The following SLC35E1 variants were observed in gnomAD, a reference collection of about 807,000 sequenced individuals.
SLC35E1 encodes the protein solute carrier family 35 member E1.
In SLC35E1, 12 loss-of-function variants were observed where a neutral mutation model predicts 31.0. The ratio of observed to expected loss-of-function variants is 0.39; its 90% CI spans 0.25 to 0.63. SLC35E1 has a LOEUF of 0.63. SLC35E1 is among the 20% of genes least tolerant of loss of function. SLC35E1 has a pLI of 0.52. For missense variants in SLC35E1, 429 were observed against 572.2 expected (o/e 0.75, Z 2.55); for synonymous variants, 257 against 264.1 (o/e 0.97, Z 0.26).
intron 4 of SLC35E1, among the ~76,000 whole-genome samples, chr19:16,559,020 G>A (rs1403336180): frequency 6.6e-6 from 1 of 151,312 alleles, no homozygotes; most frequent in Non-Finnish European, 1.5e-5. Flanking sequence ...CATCTGCCTT[G>A]GCCTCCCAAA....
intron 4 of SLC35E1, among the ~76,000 whole-genome samples, chr19:16,563,263 G>C (rs1266919072): frequency 1.3e-5 from 2 of 151,170 alleles, no homozygotes; most frequent in East Asian, 3.9e-4. Flanking sequence ...GGCGGAGGCT[G>C]CAGTGAGCCG....
In SLC35E1 at chr19:16,572,344, G is replaced by A. The variant is rs2085964931; in HGVS notation, c.21C>T (p.Gly7=). 3 of 1,050,104 alleles carry A rather than the reference G, an allele frequency of 2.9e-6. No homozygotes were observed. Among genetic ancestry groups the A allele is most frequent in the Non-Finnish European group, 3.5e-6 (3 of 868,624 alleles). 65.0% of individuals were successfully genotyped at this position (1,050,104 alleles called of 1,614,324 possible). The change falls in exon 1 of 6, where the codon GGC becomes GGT. Residue 7 remains glycine, a synonymous_variant. Coordinates refer to ENST00000595753, the MANE Select transcript of SLC35E1 (RefSeq NM_024881.5). The surrounding 1 kb of genome is among the most constrained non-coding windows in gnomAD (Gnocchi z 4.1). The stretch of plus-strand genomic sequence containing the variant: ...CCGGGCCCCCCGCGCCGTGGCCCGC[G>A]CCCACCGCGGCCGCCGCCATCCTGC... MAAAAV[G]AGHGAGGPGA...
At chr19:16,565,811 C>CG (rs2085929137) in intron 4 of SLC35E1, 1 of 143,886 alleles carries the variant, frequency 6.9e-6, no homozygotes, top group Non-Finnish European at 1.5e-5. Flanking sequence ...CCACTGCGCC[C>CG]GGCTTTTTTT....
chr19:16,571,392 T>C, intron 2 of SLC35E1, 120 bp downstream of exon 2: 1 of 998,394 alleles, frequency 1.0e-6, no homozygotes, highest in Non-Finnish European at 1.6e-6. Context: ...CTACACTGAC[T>C]TCCCTATTTG....
At chr19:16,564,772 T>C (rs1000286888) in intron 4 of SLC35E1, among the ~76,000 whole-genome samples, 5 of 152,140 alleles carry the variant, frequency 3.3e-5, no homozygotes, top group African/African-American at 7.2e-5. Flanking sequence ...TCCTGAAAAT[T>C]AGTCATCAAA....
rs530366184 is a variant in SLC35E1 at position 16,564,931 on chromosome 19, G to A, written c.756+1601C>T. On this transcript the variant is annotated intron_variant, in intron 4 of 5. Transcript: ENST00000595753. Reference sequence around the variant, plus strand: ...AAGTGAGCCATGGTTTACTGATTGGGAAAATAGAGGTAATATCCACTACTT... The same window carrying A: ...AAGTGAGCCATGGTTTACTGATTGGAAAAATAGAGGTAATATCCACTACTT... 295 of 325,336 alleles carry A rather than the reference G, an allele frequency of 9.1e-4. 2 individuals are homozygous for A. Among genetic ancestry groups the A allele is most frequent in the African/African-American group, 5.9e-3 (270 of 46,026 alleles). 20.2% of individuals were successfully genotyped at this position (325,336 alleles called of 1,614,324 possible). A position where few individuals can be genotyped will look rare whatever the true frequency, so the allele number is the denominator to read the frequency against.
chr19:16,571,638 G>A (rs2085959096), intron 1 of SLC35E1, 56 bp from the exon 2 acceptor site: 1 of 1,581,228 alleles, frequency 6.3e-7, no homozygotes, highest in Non-Finnish European at 8.7e-7. Context: ...GGCCCAACCT[G>A]TTCCACCTCC....
intron 2 of SLC35E1, among the ~76,000 whole-genome samples, chr19:16,568,388 C>A (rs546566220): frequency 4.1e-4 from 62 of 152,340 alleles, no homozygotes; most frequent in Middle Eastern, 3.4e-3. Context: ...GTAGCCCCAT[C>A]CCCATACCGT....
rs1307273813 is a variant in SLC35E1 at position 16,572,099 on chromosome 19, G to A, written c.266C>T (p.Ser89Leu). ...AWRVPPAPPV[S>L]GPGPSPHPSS... ...CGGATGCGGACTGGGTCCGGGGCCC[G>A]AGACGGGCGGCGCGGGGGGCACGCG... The change falls in exon 1 of 6, where the codon TCG (serine) becomes TTG (leucine). Residue 89 changes from serine (S) to leucine (L), a missense_variant. By Grantham distance (145) the Ser-to-Leu change is moderately radical. Transcript: ENST00000595753. The surrounding 1 kb of genome is among the most constrained non-coding windows in gnomAD (Gnocchi z 4.1). 1.3e-6 allele frequency: 2 copies of A among 1,515,542 alleles called. No individual in the cohort carries two copies. The highest frequency in any genetic ancestry group is 1.8e-6 in the Non-Finnish European group (2 of 1,132,728). 93.9% of individuals were successfully genotyped at this position (1,515,542 alleles called of 1,614,324 possible).
chr19:16,553,808 G>T lies in SLC35E1; in HGVS notation c.1104C>A (p.Pro368=). ...GCTGGGGGAAGAGGAGGCCGTTGTG[G>T]GGCTTCTCCAGTGGGCTCCGGTGAC... ...KERHRSPLEK[P]HNGLLFPQHG... The change falls in exon 6 of 6, where the codon CCC becomes CCA. Residue 368 remains proline (P), a synonymous_variant. Coordinates refer to ENST00000595753, the MANE Select transcript of SLC35E1 (RefSeq NM_024881.5). 1 of 1,614,042 alleles carries T rather than the reference G, an allele frequency of 6.2e-7. No homozygotes were observed. Among genetic ancestry groups the T allele is most frequent in the African/African-American group, 1.3e-5 (1 of 75,016 alleles).
intron 4 of SLC35E1, chr19:16,565,353 G>C (rs1294899586): frequency 3.0e-6 from 1 of 335,342 alleles, no homozygotes; most frequent in Non-Finnish European, 5.9e-6. Context: ...TGGGATTACA[G>C]GCGTGCACCA....
chr19:16,554,611 A>G (rs1197334951), intron 5 of SLC35E1, among the ~76,000 whole-genome samples: 1 of 152,184 alleles, frequency 6.6e-6, no homozygotes, highest in Non-Finnish European at 1.5e-5. Context: ...AACTGAGGTC[A>G]GGAGTTGGAG....
rs2085844707 is a variant in SLC35E1 at position 16,551,414 on chromosome 19, G to A, written c.*2265C>T. 6.6e-6 allele frequency: 1 copy of A among 152,122 alleles called. No individual in the cohort carries two copies. The highest frequency in any genetic ancestry group is 2.4e-5 in the African/African-American group (1 of 41,420). The allele number at this position is 152,122 out of a possible 1,614,324, so 9.4% of individuals were successfully genotyped here. ...CTTAAATACAGAATTCCAATTGAAA[G>A]AAAAACAAACAACAACAAAAGAAAC... On this transcript the variant is annotated 3_prime_UTR_variant, in exon 6 of 6. Transcript: ENST00000595753.
chr19:16,569,773 G>A (rs1404446226), intron 2 of SLC35E1, among the ~76,000 whole-genome samples: 1 of 152,204 alleles, frequency 6.6e-6, no homozygotes, highest in Non-Finnish European at 1.5e-5. Flanking sequence ...GAACCCAGGA[G>A]GCGGAGCTTG....
At position 16,552,035 on chromosome 19, in the gene SLC35E1, CG is replaced by C. The variant is rs1158995814; in HGVS notation, c.*1643del. 1 of 151,926 alleles carries C rather than the reference CG, an allele frequency of 6.6e-6. No homozygotes were observed. Among genetic ancestry groups the C allele is most frequent in the Non-Finnish European group, 1.5e-5 (1 of 68,014 alleles). The allele number at this position is 151,926 out of a possible 1,614,324, so 9.4% of individuals were successfully genotyped here. On this transcript the variant is annotated 3_prime_UTR_variant, in exon 6 of 6. Transcript: ENST00000595753. ...CTGAGATTACAGGCATGAGCCACCA[CG>C]CCTGGCCCCAAACTGACTCTTGACC...
At chr19:16,554,905 AG>A (rs888945404) in intron 5 of SLC35E1, among the ~76,000 whole-genome samples, 1 of 151,924 alleles carries the variant, frequency 6.6e-6, no homozygotes, top group Non-Finnish European at 1.5e-5. Context: ...CACTAAACAG[AG>A]CCTTTGAGAG....
rs372504553 is a variant in SLC35E1 at position 16,556,430 on chromosome 19, G to A, written c.757-1033C>T. On this transcript the variant is annotated intron_variant, in intron 4 of 5. Coordinates refer to ENST00000595753, the MANE Select transcript of SLC35E1 (RefSeq NM_024881.5). The stretch of plus-strand genomic sequence containing the variant: ...AGGCTGAGGTGGGAGGATCGCTTGA[G>A]CCTAGGAGTTCAAGGCTACAGTGAG... Among the ~76,000 whole-genome samples the A allele has an allele frequency of 4.9e-4, 75 of 152,180 alleles. 1 individual carries two copies. The highest frequency in any genetic ancestry group is 1.7e-3 in the African/African-American group (72 of 41,510).
intron 2 of SLC35E1, among the ~76,000 whole-genome samples, chr19:16,568,379 T>C (rs73928619): frequency 2.6e-5 from 4 of 152,318 alleles, no homozygotes; most frequent in African/African-American, 9.6e-5. Flanking sequence ...TATTTGTGGG[T>C]AGCCCCATCC....
rs560656652 is a variant in SLC35E1 at position 16,558,769 on chromosome 19, GTT to G, written c.757-3374_757-3373del. Reference sequence around the variant, plus strand: ...TTCCGCTTTTCAGTCCATCCCTTGAGTTTTTTTTTTTTTTTTTTGAGATGGAC... The same window carrying G: ...TTCCGCTTTTCAGTCCATCCCTTGAGTTTTTTTTTTTTTTTTGAGATGGAC... On this transcript the variant is annotated intron_variant, in intron 4 of 5. Transcript: ENST00000595753. Among the ~76,000 whole-genome samples, 990 of 130,882 alleles carry G rather than the reference GTT, an allele frequency of 7.6e-3. 8 individuals carry two copies. Among genetic ancestry groups the G allele is most frequent in the African/African-American group, 0.027 (947 of 35,498 alleles). The allele number at this position is 130,882 out of a possible 152,430, so 85.9% of individuals were successfully genotyped here.
Sources: allele counts gnomAD v4.1 joint callset (sites outside exome capture counted in the v4.1 genomes callset), GRCh38; gene constraint gnomAD v4.1.1; non-coding constraint Gnocchi (gnomAD v3.1); transcripts MANE v1.5; gene names NCBI Gene and HGNC (gene_info 2026-07-23, HGNC 2026-07-21).